Variants in CCDC38 observed in about 807,000 individuals in gnomAD.
CCDC38 encodes the protein coiled-coil domain containing 38, also known as coiled-coil domain-containing protein 38.
CCDC38 carries 69 observed loss-of-function variants against 72.8 expected under a neutral mutation model. The observed-to-expected ratio is 0.95, with a 90% CI of 0.78 to 1.16. The LOEUF is 1.16. Ranked by LOEUF, CCDC38 falls within the 50% of genes most tolerant of loss-of-function variation. The probability of loss-of-function intolerance (pLI) is 0.00; values close to 1 mark genes in which losing one functional copy is unlikely to be tolerated. For synonymous variants in CCDC38, 201 were observed against 213.2 expected, an observed-to-expected ratio of 0.94 and a Z score of 0.50; for missense variants, 626 against 638.9, an observed-to-expected ratio of 0.98 and a Z score of 0.22.
At position 95,872,238 on chromosome 12, in the gene CCDC38, AT is replaced by A. The variant is rs1565940677; in HGVS notation, c.1484+16del. The A allele has an allele frequency of 6.2e-7, 1 of 1,610,004 alleles. No homozygotes were observed. The highest frequency in any genetic ancestry group is 1.3e-5 in the African/African-American group (1 of 74,784). On this transcript the variant is annotated intron_variant, in intron 14 of 15. Transcript: ENST00000344280. ...ACCAGCTACTCATTAAGTCATTCTT[AT>A]CCTTATTGACTGTACTTTTGCCGCC... is the stretch of plus-strand genomic sequence containing the variant.
chr12:95,868,007 C>T (rs1211061728), intron 15 of CCDC38, among the ~76,000 whole-genome samples: 1 of 152,128 alleles, frequency 6.6e-6, no homozygotes, highest in Admixed American at 6.6e-5. Flanking sequence ...ATTGTAACAA[C>T]AAAAATATCC....
At chr12:95,881,228 T>G (rs2079696275) in intron 11 of CCDC38, among the ~76,000 whole-genome samples, 1 of 149,474 alleles carries the variant, frequency 6.7e-6, no homozygotes, top group African/African-American at 2.4e-5. Flanking sequence ...AGATTGTAGA[T>G]TTTATATATA....
chr12:95,931,661 A>C (rs2136740447), intron 2 of CCDC38, among the ~76,000 whole-genome samples: 1 of 152,378 alleles, frequency 6.6e-6, no homozygotes, highest in Middle Eastern at 3.4e-3. Context: ...ACACTGGTGA[A>C]CAAAACAAAG....
intron 2 of CCDC38, among the ~76,000 whole-genome samples, chr12:95,931,520 A>G (rs944369668): frequency 6.6e-5 from 10 of 152,166 alleles, no homozygotes; most frequent in African/African-American, 2.4e-4. Flanking sequence ...CTTGCTCCTT[A>G]CTGACACTCT....
At chr12:95,923,265 G>A (rs542871291) in intron 2 of CCDC38, among the ~76,000 whole-genome samples, 2 of 152,060 alleles carry the variant, frequency 1.3e-5, no homozygotes, top group Non-Finnish European at 2.9e-5. Flanking sequence ...AATTATATGA[G>A]CCAATTACTC....
At chr12:95,896,664 A>T (rs1167618549) in intron 7 of CCDC38, 2 of 152,210 alleles carry the variant, frequency 1.3e-5, no homozygotes, top group Non-Finnish European at 2.9e-5. Flanking sequence ...GGCTGGAAAG[A>T]TACAGTTTCC....
intron 5 of CCDC38, among the ~76,000 whole-genome samples, chr12:95,899,712 C>A (rs933749649): frequency 1.3e-5 from 2 of 152,060 alleles, no homozygotes; most frequent in Non-Finnish European, 2.9e-5. Flanking sequence ...AGATAACAAC[C>A]AATAATTAGA....
intron 2 of CCDC38, among the ~76,000 whole-genome samples, chr12:95,920,066 CA>C (rs1427352137): frequency 6.6e-6 from 1 of 152,110 alleles, no homozygotes; most frequent in Non-Finnish European, 1.5e-5. Flanking sequence ...TTTTAATAGC[CA>C]AAAAATAGAG....
chr12:95,883,984 C>T (rs1304311382), intron 10 of CCDC38, among the ~76,000 whole-genome samples: 2 of 152,136 alleles, frequency 1.3e-5, no homozygotes, highest in African/African-American at 4.8e-5. Flanking sequence ...CTCCAGCTAA[C>T]GTTATATTTA....
At chr12:95,898,888 G>C in intron 5 of CCDC38, 157 bp from the exon 6 acceptor site, 2 of 762,200 alleles carry the variant, frequency 2.6e-6, no homozygotes, top group Non-Finnish European at 4.1e-6. Flanking sequence ...TTTATTTTCA[G>C]GGATAATTAG....
chr12:95,937,557 C>T (rs1424292833), intron 1 of CCDC38, among the ~76,000 whole-genome samples: 2 of 152,062 alleles, frequency 1.3e-5, no homozygotes, highest in African/African-American at 2.4e-5. Context: ...ATAAAGGACA[C>T]CCAGGAGTTT....
At chr12:95,901,553 C>T (rs1276187175) in intron 5 of CCDC38, among the ~76,000 whole-genome samples, 3 of 152,092 alleles carry the variant, frequency 2.0e-5, no homozygotes, top group East Asian at 1.9e-4. Context: ...GGGCCCTGGA[C>T]ATTCCAACAC....
At chr12:95,924,315 G>C (rs1438682285) in intron 2 of CCDC38, among the ~76,000 whole-genome samples, 2 of 147,456 alleles carry the variant, frequency 1.4e-5, no homozygotes, top group Admixed American at 6.8e-5. Flanking sequence ...ATTTTTTCAT[G>C]TGTTTTTTGG....
At chr12:95,910,231 A>G (rs1384901914) in intron 4 of CCDC38, among the ~76,000 whole-genome samples, 1 of 152,182 alleles carries the variant, frequency 6.6e-6, no homozygotes, top group African/African-American at 2.4e-5. Flanking sequence ...ATGTACAAAA[A>G]TCAACAGCAT....
At chr12:95,943,176 G>C (rs2080472119), upstream of CCDC38, 8 of 507,898 alleles carry the variant, frequency 1.6e-5, no homozygotes, top group Non-Finnish European at 2.4e-5. Flanking sequence ...CCAAAAAAGA[G>C]AGGATTCCTC....
At chr12:95,887,228 C>T (rs964900742) in intron 10 of CCDC38, among the ~76,000 whole-genome samples, 2 of 151,962 alleles carry the variant, frequency 1.3e-5, no homozygotes, top group Admixed American at 1.3e-4. Context: ...ACTGAACACA[C>T]ATCTACCATC....
At chr12:95,930,162 C>A (rs2080322278) in intron 2 of CCDC38, among the ~76,000 whole-genome samples, 1 of 152,148 alleles carries the variant, frequency 6.6e-6, no homozygotes. Context: ...ACCCGCTACA[C>A]CAAATTTCCT....
chr12:95,905,720 T>C (rs2079994393), intron 5 of CCDC38, among the ~76,000 whole-genome samples: 2 of 150,330 alleles, frequency 1.3e-5, no homozygotes, highest in South Asian at 4.1e-4. Context: ...AAATGTTCAA[T>C]TCATTCATTT....
chr12:95,875,602 G>T (rs988340587), intron 13 of CCDC38, among the ~76,000 whole-genome samples: 1 of 152,086 alleles, frequency 6.6e-6, no homozygotes, highest in South Asian at 2.1e-4. Flanking sequence ...ATTATGTTTT[G>T]TATATTCTGA....
Sources: gnomAD v4.1 joint callset for allele counts (sites outside exome capture counted in the v4.1 genomes callset) on GRCh38, gnomAD v4.1.1 for gene constraint, MANE v1.5 for transcripts, NCBI Gene and HGNC (gene_info 2026-07-23, HGNC 2026-07-21) for gene names.